Variants in TENM3 observed in about 807,000 individuals in gnomAD.
TENM3 encodes the protein teneurin transmembrane protein 3, also known as teneurin-3.
A neutral mutation model predicts 255.1 loss-of-function variants in TENM3; 63 were observed. That is an observed-to-expected ratio of 0.25 (90% CI 0.20 to 0.30). The LOEUF is 0.30. Ranked by LOEUF, TENM3 falls within the 10% of genes least tolerant of loss-of-function variation. The pLI is 1.00. For synonymous variants in TENM3, 1,306 were observed against 1,322.3 expected (o/e 0.99, Z 0.27); for missense variants, 2,929 against 3,461.1 (o/e 0.85, Z 3.86).
At chr4:182,424,234 G>A (rs1255338193) in intron 3 of TENM3, among the ~76,000 whole-genome samples, 2 of 152,046 alleles carry the variant, frequency 1.3e-5, no homozygotes, top group Non-Finnish European at 2.9e-5. Context: ...ATTAAAATTA[G>A]CAATTCAACT....
chr4:182,064,459 T>G, the TENM3 span, among the ~76,000 whole-genome samples: 1 of 152,018 alleles, frequency 6.6e-6, no homozygotes, highest in African/African-American at 2.4e-5. Flanking sequence ...GCGCCTGTAG[T>G]CCCAGCTACT....
intron 1 of TENM3, among the ~76,000 whole-genome samples, chr4:182,292,613 G>A (rs1052298792): frequency 1.3e-5 from 2 of 152,168 alleles, no homozygotes; most frequent in African/African-American, 4.8e-5. Flanking sequence ...GGTCGCGTGG[G>A]TAAATGCTTC....
chr4:181,918,754 CATT>C, the TENM3 span, among the ~76,000 whole-genome samples: 1 of 152,040 alleles, frequency 6.6e-6, no homozygotes, highest in Admixed American at 6.6e-5. Context: ...CTGTCTGCCT[CATT>C]CATGTATATA....
At chr4:182,332,888 A>C (rs2150562984) in intron 2 of TENM3, among the ~76,000 whole-genome samples, 1 of 152,284 alleles carries the variant, frequency 6.6e-6, no homozygotes, top group East Asian at 1.9e-4. Context: ...TGAGAACAAA[A>C]ATAAGACATC....
chr4:182,711,704 A>G lies in TENM3; in HGVS notation c.2222-2383A>G, dbSNP rs1211715064. On this transcript the variant is annotated intron_variant, in intron 12 of 27. Coordinates refer to ENST00000511685, the MANE Select transcript of TENM3 (RefSeq NM_001080477.4). ...GACTTTTCCATGCATATTTTTGTAA[A>G]TTATAAATCAGAGTTAAATTATGTA... 3 of 350,630 alleles carry G rather than the reference A, an allele frequency of 8.6e-6. No homozygotes were observed. In the Admixed American group the frequency reaches 1.9e-4, roughly 23 times the overall value. 21.7% of individuals were successfully genotyped at this position (350,630 alleles called of 1,614,324 possible).
At chr4:181,808,325 C>T in the TENM3 span, among the ~76,000 whole-genome samples, 1 of 152,158 alleles carries the variant, frequency 6.6e-6, no homozygotes, top group Admixed American at 6.5e-5. Flanking sequence ...ACACTGCTGT[C>T]ACTAAATAAT....
At chr4:182,540,347 T>C (rs939095435) in intron 3 of TENM3, among the ~76,000 whole-genome samples, 2 of 152,152 alleles carry the variant, frequency 1.3e-5, no homozygotes, top group Admixed American at 6.5e-5. Flanking sequence ...CCCAACACTT[T>C]GGGAGGCCGA....
At chr4:182,294,878 G>A (rs1761364517) in intron 1 of TENM3, among the ~76,000 whole-genome samples, 1 of 152,068 alleles carries the variant, frequency 6.6e-6, no homozygotes, top group South Asian at 2.1e-4. Context: ...TGCCATTATC[G>A]ATTGTTTTCT....
the TENM3 span, among the ~76,000 whole-genome samples, chr4:181,828,990 G>A: frequency 6.6e-6 from 1 of 152,084 alleles, no homozygotes; most frequent in Non-Finnish European, 1.5e-5. Context: ...GTGCATTGAG[G>A]TGCCGTCACC....
chr4:182,785,436 A>G (rs921921757), intron 24 of TENM3, among the ~76,000 whole-genome samples: 1 of 151,362 alleles, frequency 6.6e-6, no homozygotes, highest in Non-Finnish European at 1.5e-5. Context: ...GACCAGACGC[A>G]GTGGTTTACA....
At chr4:181,607,089 A>G in the TENM3 span, among the ~76,000 whole-genome samples, 3 of 152,214 alleles carry the variant, frequency 2.0e-5, no homozygotes, top group Non-Finnish European at 4.4e-5. Context: ...GCTTCGTACT[A>G]ATGGAAAGGG....
the TENM3 span, among the ~76,000 whole-genome samples, chr4:182,036,480 C>CCACT: frequency 2.6e-5 from 4 of 151,432 alleles, no homozygotes; most frequent in African/African-American, 4.9e-5. Flanking sequence ...CGTGAACCAC[C>CCACT]GCACCCGGCC....
At chr4:182,109,478 C>G in the TENM3 span, among the ~76,000 whole-genome samples, 41 of 151,892 alleles carry the variant, frequency 2.7e-4, no homozygotes, top group Non-Finnish European at 4.6e-4. Flanking sequence ...AAATATTACA[C>G]CTAACCTCAT....
the TENM3 span, among the ~76,000 whole-genome samples, chr4:181,842,229 G>C: frequency 1.6e-4 from 24 of 152,204 alleles, no homozygotes; most frequent in Admixed American, 3.3e-4. Context: ...AAAAAGAAAA[G>C]CTGGGAATTA....
the TENM3 span, among the ~76,000 whole-genome samples, chr4:181,555,593 G>T: frequency 9.9e-5 from 15 of 152,182 alleles, no homozygotes; most frequent in African/African-American, 3.6e-4. Context: ...ATTAATCAAC[G>T]TTGTAACAAG....
chr4:181,459,149 C>T, the TENM3 span, among the ~76,000 whole-genome samples: 1 of 151,882 alleles, frequency 6.6e-6, no homozygotes, highest in East Asian at 1.9e-4. Flanking sequence ...TCCCTAAAGA[C>T]TAAATACATT....
At position 182,714,315 on chromosome 4, in the gene TENM3, C is replaced by A. The variant is rs1475919508; in HGVS notation, c.2368+82C>A. The A allele has an allele frequency of 7.9e-4, 112 of 140,908 alleles. 2 individuals are homozygous for A. Among genetic ancestry groups the A allele is most frequent in the South Asian group, 2.8e-3 (11 of 3,882 alleles). 8.7% of individuals were successfully genotyped at this position (140,908 alleles called of 1,614,324 possible). A position where few individuals can be genotyped will look rare whatever the true frequency, so the allele number is the denominator to read the frequency against. On this transcript the variant is annotated intron_variant, in intron 13 of 27. Coordinates refer to ENST00000511685, the MANE Select transcript of TENM3 (RefSeq NM_001080477.4). ...CAGTGAGTACATAGATATCTGTTGC[C>A]AAAAAAAAAAAAAAAAAAAAAAAAC... is the stretch of plus-strand genomic sequence containing the variant.
chr4:182,346,590 G>T, intron 2 of TENM3, 61 bp from the exon 3 acceptor site: 39 of 1,135,528 alleles, frequency 3.4e-5, no homozygotes, highest in Non-Finnish European at 4.2e-5. Flanking sequence ...AAAAAAAAAA[G>T]AAAAGAAACT....
At chr4:182,004,710 A>G in the TENM3 span, among the ~76,000 whole-genome samples, 2 of 152,108 alleles carry the variant, frequency 1.3e-5, no homozygotes, top group Non-Finnish European at 2.9e-5. Flanking sequence ...AAGCATTCCT[A>G]TTTCTTCACA....
Sources: allele counts gnomAD v4.1 joint callset (sites outside exome capture counted in the v4.1 genomes callset), GRCh38; gene constraint gnomAD v4.1.1; transcripts MANE v1.5; gene names NCBI Gene and HGNC (gene_info 2026-07-23, HGNC 2026-07-21).